The following STK4 variants were observed in gnomAD, a reference collection of about 807,000 sequenced individuals.
STK4 encodes the protein serine/threonine kinase 4.
STK4 carries 30 observed loss-of-function variants against 64.9 expected under a neutral mutation model. That is an observed-to-expected ratio of 0.46 (90% confidence interval 0.35 to 0.63). The LOEUF (loss-of-function observed/expected upper bound fraction) is 0.63, where lower values mean the gene tolerates loss of function less well. STK4 is among the 20% of genes least tolerant of loss of function. STK4 has a pLI of 0.01. For missense variants in STK4, 466 were observed against 598.5 expected, an observed-to-expected ratio of 0.78 and a Z score of 2.31; for synonymous variants, 177 against 199.0, an observed-to-expected ratio of 0.89 and a Z score of 0.93.
At chr20:44,983,106 C>G (rs1159893066) in intron 4 of STK4, among the ~76,000 whole-genome samples, 1 of 152,076 alleles carries the variant, frequency 6.6e-6, no homozygotes, top group Admixed American at 6.5e-5. Flanking sequence ...TTTGGCATGT[C>G]TGAGTGATAG....
chr20:45,019,536 G>A (rs1369175051), intron 9 of STK4, among the ~76,000 whole-genome samples: 1 of 152,162 alleles, frequency 6.6e-6, no homozygotes, highest in Non-Finnish European at 1.5e-5. Flanking sequence ...TGAATTCACT[G>A]CTTTGTCTGT....
At chr20:45,028,683 T>C (rs1306782784) in intron 10 of STK4, among the ~76,000 whole-genome samples, 1 of 152,242 alleles carries the variant, frequency 6.6e-6, no homozygotes. Flanking sequence ...TTTTTTCTTA[T>C]GACTGTTGCC....
chr20:44,998,455 T>C (rs932004153), intron 7 of STK4, among the ~76,000 whole-genome samples: 15 of 152,188 alleles, frequency 9.9e-5, no homozygotes, highest in Non-Finnish European at 1.8e-4. Context: ...ACGTGATAAA[T>C]ATTAGCTATT....
Position 44,987,213 on chromosome 20 carries a change from C to T in STK4, c.442C>T (p.Arg148Ter), listed in dbSNP as rs749441226. The change falls in exon 5 of 11, where the codon CGA becomes TGA. Residue 148 changes from arginine (R) to a stop codon, truncating the protein, a stop_gained. Coordinates refer to ENST00000372806, the MANE Select transcript of STK4 (RefSeq NM_006282.5). LOFTEE classifies it high-confidence loss of function. ...EYLHFMRKIH[R>*]DIKAGNILLN... ...CCTTCATTTTATGAGAAAAATACAC[C>T]GAGATATCAAGGCAGGAAATATTTT... 8.7e-6 allele frequency: 14 copies of T among 1,611,062 alleles called. No homozygotes were observed. The highest frequency in any genetic ancestry group is 1.1e-5 in the South Asian group (1 of 90,664).
intron 10 of STK4, chr20:45,053,072 CTCTTT>C (rs764002571): frequency 5.0e-6 from 8 of 1,591,510 alleles, no homozygotes; most frequent in Non-Finnish European, 6.0e-6. Flanking sequence ...AGATTTTGTG[CTCTTT>C]TCTTTCAGAA....
At chr20:44,987,643 A>G (rs1197865353) in intron 5 of STK4, among the ~76,000 whole-genome samples, 1 of 152,190 alleles carries the variant, frequency 6.6e-6, no homozygotes, top group East Asian at 1.9e-4. Flanking sequence ...ACATAACATC[A>G]TCTCATTCAA....
rs985634108 is a variant in STK4, at chr20:45,001,189, G to C, written c.983G>C (p.Gly328Ala). The C allele has an allele frequency of 6.2e-7, 1 of 1,612,990 alleles. No individual in the cohort carries two copies. Among genetic ancestry groups the C allele is most frequent in the African/African-American group, 1.3e-5 (1 of 74,996 alleles). The change falls in exon 9 of 11, where the codon GGC becomes GCC. Residue 328 changes from glycine (G) to alanine (A), a missense_variant. Transcript: ENST00000372806. ...ENSEEDEMDS[G>A]TMVRAVGDEM... Reference sequence around the variant, plus strand: ...CAGGAAGAGGATGAAATGGATTCTGGCACGATGGTTCGAGCAGTGGGTGAT... The same window carrying C: ...CAGGAAGAGGATGAAATGGATTCTGCCACGATGGTTCGAGCAGTGGGTGAT...
chr20:45,066,386 G>T (rs2145475474), intron 10 of STK4, among the ~76,000 whole-genome samples: 1 of 152,216 alleles, frequency 6.6e-6, no homozygotes, highest in South Asian at 2.1e-4. Context: ...TTTTGTGTTT[G>T]CCATTTATTA....
At chr20:45,067,725 C>T (rs572403098) in intron 10 of STK4, among the ~76,000 whole-genome samples, 35 of 152,188 alleles carry the variant, frequency 2.3e-4, no homozygotes, top group Non-Finnish European at 3.8e-4. Context: ...ATTATGCAGC[C>T]GACTTTGAAA....
chr20:44,992,231 A>G (rs1206376769), intron 5 of STK4, among the ~76,000 whole-genome samples: 2 of 150,806 alleles, frequency 1.3e-5, no homozygotes, highest in South Asian at 2.1e-4. Context: ...TGGTTAATCT[A>G]TGTTTTTTTT....
At chr20:45,028,352 G>T (rs1424279606) in intron 10 of STK4, among the ~76,000 whole-genome samples, 7 of 149,930 alleles carry the variant, frequency 4.7e-5, no homozygotes, top group South Asian at 2.1e-4. Flanking sequence ...TAAGAGATAG[G>T]GTCTTGCTTA....
At chr20:44,983,579 G>A (rs1056624233) in intron 4 of STK4, among the ~76,000 whole-genome samples, 32 of 152,102 alleles carry the variant, frequency 2.1e-4, no homozygotes, top group Admixed American at 5.2e-4. Context: ...CTGTGATTGC[G>A]CCACTGCACT....
At chr20:45,027,166 C>T (rs6130729) in intron 10 of STK4, among the ~76,000 whole-genome samples, 24,322 of 152,114 alleles carry the variant, frequency 0.16, 2,530 homozygotes, top group East Asian at 0.34. Context: ...CAGTGGCTCA[C>T]GCCTGTAATC....
Position 44,979,507 on chromosome 20 carries a change from T to A in STK4, c.245+936T>A, listed in dbSNP as rs1302751636. Reference sequence around the variant, plus strand: ...GGGTTGGTCACTGATAGAGCAGGCTTCCCCAGCACTATTTAGATTAGAGAC... The same window carrying A: ...GGGTTGGTCACTGATAGAGCAGGCTACCCCAGCACTATTTAGATTAGAGAC... On this transcript the variant is annotated intron_variant, in intron 3 of 10. Transcript: ENST00000372806. Among the ~76,000 whole-genome samples the A allele has an allele frequency of 2.6e-5, 4 of 152,126 alleles. No homozygotes were observed. The South Asian group carries it at 8.3e-4, about 31-fold the overall frequency.
intron 9 of STK4, among the ~76,000 whole-genome samples, chr20:45,011,729 A>ATATATATATATATTTTTTTT (rs60170856): frequency 1.7e-5 from 2 of 115,398 alleles, no homozygotes; most frequent in African/African-American, 7.3e-5. Context: ...ATATATATAT[A>ATATATATATATATTTTTTTT]TTTTTTTTTT....
chr20:45,006,006 C>G (rs1208583954), intron 9 of STK4, among the ~76,000 whole-genome samples: 1 of 150,964 alleles, frequency 6.6e-6, no homozygotes, highest in Non-Finnish European at 1.5e-5. Context: ...TTGTTCTTTT[C>G]TAGATGATTT....
At chr20:45,001,127 T>C (rs2067830848) in intron 8 of STK4, 40 bp from the exon 9 acceptor site, 1 of 1,576,898 alleles carries the variant, frequency 6.3e-7, no homozygotes, top group Non-Finnish European at 8.7e-7. Flanking sequence ...CAAAGTCTTT[T>C]GTCAAATTAG....
intron 9 of STK4, among the ~76,000 whole-genome samples, chr20:45,007,557 C>A (rs374063191): frequency 0.017 from 2,610 of 149,602 alleles, 98 homozygotes; most frequent in African/African-American, 0.058. Context: ...AAAAAACAAA[C>A]AAACAAAAAA....
At position 45,079,777 on chromosome 20, in the gene STK4, C is replaced by T. The variant is rs1195604714; in HGVS notation, c.*4601C>T. On this transcript the variant is annotated 3_prime_UTR_variant, in exon 11 of 11. Coordinates refer to ENST00000372806, the MANE Select transcript of STK4 (RefSeq NM_006282.5). ...TTTGTAAGGTTTGGATGTAAGTAAT[C>T]AATTGAGGTCAGCAGTTTGTATGAG... 6.6e-6 allele frequency: 1 copy of T among 152,608 alleles called. No individual in the cohort carries two copies. Among genetic ancestry groups the T allele is most frequent in the African/African-American group, 2.4e-5 (1 of 41,436 alleles). 9.5% of individuals were successfully genotyped at this position (152,608 alleles called of 1,614,324 possible). A position where few individuals can be genotyped will look rare whatever the true frequency, so the allele number is the denominator to read the frequency against.
Sources: allele counts gnomAD v4.1 joint callset (sites outside exome capture counted in the v4.1 genomes callset), GRCh38; gene constraint gnomAD v4.1.1; transcripts MANE v1.5; gene names NCBI Gene and HGNC (gene_info 2026-07-23, HGNC 2026-07-21).